MAP3K7CL: variants seen among roughly 807,000 people sequenced by gnomAD.
MAP3K7CL encodes the protein MAP3K7 C-terminal-like protein.
Under a neutral mutation model 18.6 loss-of-function variants are expected in MAP3K7CL, and 16 were observed. The ratio of observed to expected loss-of-function variants is 0.86; its 90% confidence interval spans 0.58 to 1.31. MAP3K7CL has a LOEUF of 1.31. MAP3K7CL is among the 50% of genes most tolerant of loss of function. MAP3K7CL has a pLI of 0.00. For synonymous variants in MAP3K7CL, 65 were observed against 66.8 expected (o/e 0.97, Z 0.13); for missense variants, 163 against 174.4 (o/e 0.93, Z 0.37).
rs1355078851 is a variant in MAP3K7CL at position 29,130,709 on chromosome 21, A to G, written c.-254A>G. The G allele has an allele frequency of 8.1e-6, 8 of 985,390 alleles. No individual in the cohort carries two copies. The highest frequency in any genetic ancestry group is 8.4e-6 in the Non-Finnish European group (7 of 830,022). 61.0% of individuals were successfully genotyped at this position (985,390 alleles called of 1,614,324 possible). ...GGGGTTGTGAAGGGAAGCGGAAGGG[A>G]AGGGAAGGGAGGTCCCGTGGGACGC... On this transcript the variant is annotated 5_prime_UTR_variant, in exon 1 of 5. Transcript: ENST00000399928.
intron 4 of MAP3K7CL, among the ~76,000 whole-genome samples, chr21:29,167,317 T>G (rs1412732785): frequency 1.3e-5 from 2 of 152,218 alleles, no homozygotes; most frequent in Non-Finnish European, 2.9e-5. Flanking sequence ...GAAAGGGGTT[T>G]TCATATGAGG....
At chr21:29,158,510 T>G (rs926753511) in intron 3 of MAP3K7CL, among the ~76,000 whole-genome samples, 8 of 152,192 alleles carry the variant, frequency 5.3e-5, no homozygotes, top group African/African-American at 1.9e-4. Flanking sequence ...ATTTAGAATT[T>G]TATTTCCTTT....
intron 4 of MAP3K7CL, among the ~76,000 whole-genome samples, chr21:29,168,305 C>G (rs1204042841): frequency 6.6e-6 from 1 of 152,148 alleles, no homozygotes; most frequent in Non-Finnish European, 1.5e-5. Flanking sequence ...GATTTGAGTT[C>G]ATTTTCCAGC....
intron 4 of MAP3K7CL, among the ~76,000 whole-genome samples, chr21:29,161,932 T>C (rs563778428): frequency 2.0e-5 from 3 of 152,306 alleles, no homozygotes; most frequent in Non-Finnish European, 4.4e-5. Flanking sequence ...TAAAATTGTA[T>C]CTAGACTTTT....
intron 4 of MAP3K7CL, among the ~76,000 whole-genome samples, chr21:29,107,659 G>A: frequency 6.6e-6 from 1 of 152,152 alleles, no homozygotes; most frequent in Non-Finnish European, 1.5e-5. Context: ...CAGCCATGTT[G>A]AGACCATGAG....
intron 4 of MAP3K7CL, among the ~76,000 whole-genome samples, chr21:29,166,604 T>C (rs2087694831): frequency 6.6e-6 from 1 of 152,220 alleles, no homozygotes; most frequent in Non-Finnish European, 1.5e-5. Context: ...ATCTACTTTC[T>C]GTCTCTATGG....
chr21:29,092,556 C>G (rs752702269), exon 4 of MAP3K7CL: 2 of 1,614,024 alleles, frequency 1.2e-6, no homozygotes, highest in East Asian at 4.5e-5. Context: ...TTACTGTGCC[C>G]GTGGAAATCC....
At chr21:29,113,407 C>G (rs936914533) in intron 4 of MAP3K7CL, among the ~76,000 whole-genome samples, 1 of 152,212 alleles carries the variant, frequency 6.6e-6, no homozygotes, top group Non-Finnish European at 1.5e-5. Context: ...ACTTCCTTCA[C>G]TGTTCTCCCA....
rs144070016 is a variant in MAP3K7CL, at chr21:29,134,777, C to T, written c.70+1363C>T. 5.9e-3 allele frequency among the ~76,000 whole-genome samples: 899 copies of T among 151,792 alleles called. 15 individuals carry two copies. Among genetic ancestry groups the T allele is most frequent in the African/African-American group, 0.02 (845 of 41,428 alleles). The stretch of plus-strand genomic sequence containing the variant: ...CTTAAGACAACCATGCAGCCGGGCA[C>T]GGTGGCTCACGCCTGTAATCCCAGC... On this transcript the variant is annotated intron_variant, in intron 2 of 4. Coordinates refer to ENST00000399928, the MANE Select transcript of MAP3K7CL (RefSeq NM_001286620.2).
At chr21:29,107,173 G>A (rs1015082431) in intron 4 of MAP3K7CL, among the ~76,000 whole-genome samples, 1 of 152,020 alleles carries the variant, frequency 6.6e-6, no homozygotes, top group Non-Finnish European at 1.5e-5. Context: ...AAAATTAGTC[G>A]GGCATGGTGG....
chr21:29,168,277 C>A (rs1211818593), intron 4 of MAP3K7CL, among the ~76,000 whole-genome samples: 1 of 152,076 alleles, frequency 6.6e-6, no homozygotes, highest in African/African-American at 2.4e-5. Context: ...AGTAAGATGC[C>A]TTCTGGGTAA....
chr21:29,121,366 C>T (rs978042730), intron 4 of MAP3K7CL, among the ~76,000 whole-genome samples: 5 of 152,080 alleles, frequency 3.3e-5, no homozygotes, highest in African/African-American at 9.7e-5. Context: ...AGTTCCCTAA[C>T]GGTATCAGTT....
At chr21:29,127,587 T>C (rs2086701230), upstream of MAP3K7CL, 1 of 152,176 alleles carries the variant, frequency 6.6e-6, no homozygotes, top group South Asian at 2.1e-4. Context: ...ATTTATGTTA[T>C]CAGATTCAGA....
intron 4 of MAP3K7CL, among the ~76,000 whole-genome samples, chr21:29,111,756 A>G (rs918997212): frequency 6.6e-6 from 1 of 152,170 alleles, no homozygotes; most frequent in African/African-American, 2.4e-5. Flanking sequence ...ACAGATTTCA[A>G]ACCATCCTTA....
chr21:29,096,868 G>A (rs781782104), intron 4 of MAP3K7CL, among the ~76,000 whole-genome samples: 4 of 152,080 alleles, frequency 2.6e-5, no homozygotes, highest in East Asian at 1.9e-4. Context: ...TTTCAGGAGC[G>A]CTTCCTTCAT....
At chr21:29,170,827 C>G (rs1033658730) in intron 4 of MAP3K7CL, among the ~76,000 whole-genome samples, 1 of 151,774 alleles carries the variant, frequency 6.6e-6, no homozygotes. Context: ...TCGGTAGATA[C>G]AGGGTTTCAC....
chr21:29,080,899 A>G (rs1006966832), upstream of MAP3K7CL, among the ~76,000 whole-genome samples: 20 of 151,956 alleles, frequency 1.3e-4, no homozygotes, highest in African/African-American at 3.4e-4. Context: ...AAAAACAGCC[A>G]TGGCCAGGCT....
intron 3 of MAP3K7CL, among the ~76,000 whole-genome samples, chr21:29,152,494 G>T (rs2087299839): frequency 6.6e-6 from 1 of 152,066 alleles, no homozygotes; most frequent in Non-Finnish European, 1.5e-5. Flanking sequence ...GTAAAAGTTG[G>T]ATTACAAAGG....
At chr21:29,151,975 G>A (rs1354816398) in intron 3 of MAP3K7CL, among the ~76,000 whole-genome samples, 2 of 152,078 alleles carry the variant, frequency 1.3e-5, no homozygotes, top group East Asian at 3.9e-4. Flanking sequence ...GTAGTTTCTG[G>A]CTCATGGTTT....
Sources: allele counts gnomAD v4.1 joint callset (sites outside exome capture counted in the v4.1 genomes callset), GRCh38; gene constraint gnomAD v4.1.1; transcripts MANE v1.5; gene names NCBI Gene and HGNC (gene_info 2026-07-23, HGNC 2026-07-21).